Variants in PTCHD4 observed in about 807,000 individuals in gnomAD.
The protein encoded by PTCHD4 is patched domain containing 4, also known as patched domain-containing protein 4.
In PTCHD4, 33 loss-of-function variants were observed where a neutral mutation model predicts 58.1. The ratio of observed to expected loss-of-function variants is 0.57; its 90% CI spans 0.43 to 0.76. The LOEUF (loss-of-function observed/expected upper bound fraction) is 0.76. Ranked by LOEUF, PTCHD4 falls within the 30% of genes least tolerant of loss-of-function variation. The probability of loss-of-function intolerance (pLI) is 0.00; values close to 1 mark genes in which losing one functional copy is unlikely to be tolerated. For synonymous variants in PTCHD4, 478 were observed against 409.6 expected (o/e 1.17, Z -2.02); for missense variants, 1,058 against 1,027.1 (o/e 1.03, Z -0.41).
At chr6:48,098,429 C>T (rs919199972) in intron 1 of PTCHD4, among the ~76,000 whole-genome samples, 2 of 151,652 alleles carry the variant, frequency 1.3e-5, no homozygotes, top group Non-Finnish European at 2.9e-5. Flanking sequence ...ACCTCCACCT[C>T]CCAGGTTCAA....
At chr6:48,032,022 T>G (rs914184588) in intron 3 of PTCHD4, among the ~76,000 whole-genome samples, 1 of 151,772 alleles carries the variant, frequency 6.6e-6, no homozygotes, top group Non-Finnish European at 1.5e-5. Flanking sequence ...TGCATTTTAA[T>G]ATAATGATGT....
At chr6:47,901,031 G>C (rs1184675166) in intron 4 of PTCHD4, 1 of 150,872 alleles carries the variant, frequency 6.6e-6, no homozygotes, top group Non-Finnish European at 1.5e-5. Context: ...GCGGGCGCCT[G>C]TAGTCCCAGC....
chr6:47,952,504 T>C (rs934120355), intron 4 of PTCHD4, among the ~76,000 whole-genome samples: 1 of 152,090 alleles, frequency 6.6e-6, no homozygotes, highest in African/African-American at 2.4e-5. Flanking sequence ...CCGCCCCCCA[T>C]GCAACCACAC....
chr6:48,005,667 C>G (rs550620061), intron 4 of PTCHD4, among the ~76,000 whole-genome samples: 9 of 152,298 alleles, frequency 5.9e-5, no homozygotes, highest in Middle Eastern at 3.4e-3. Flanking sequence ...CTCTCTGTCT[C>G]TCTCTTTCTA....
chr6:48,103,455 G>A (rs555683870), intron 1 of PTCHD4, among the ~76,000 whole-genome samples: 18 of 152,194 alleles, frequency 1.2e-4, no homozygotes, highest in Admixed American at 3.3e-4. Context: ...CCATCTGTAC[G>A]TCACCATCAT....
At position 48,105,491 on chromosome 6, in the gene PTCHD4, A is replaced by G. The variant is rs191633777; in HGVS notation, c.-970+5558T>C. Among the ~76,000 whole-genome samples, 8 of 152,354 alleles carry G rather than the reference A, an allele frequency of 5.3e-5. No individual in the cohort carries two copies. The East Asian group carries it at 1.4e-3, about 26-fold the overall frequency. On this transcript the variant is annotated intron_variant, in intron 1 of 4. Coordinates refer to ENST00000339488, the MANE Select transcript of PTCHD4 (RefSeq NM_001384253.1). Reference sequence around the variant, plus strand: ...TTATAGCACTAAATACCCACAAGAGAAAGCAGGAAAGATCTAAAATTGACA... The same window carrying G: ...TTATAGCACTAAATACCCACAAGAGGAAGCAGGAAAGATCTAAAATTGACA...
intron 4 of PTCHD4, among the ~76,000 whole-genome samples, chr6:47,952,241 C>T (rs1458980419): frequency 6.6e-6 from 1 of 151,938 alleles, no homozygotes. Context: ...AATAGAGTTC[C>T]CCAAAGGAAG....
chr6:47,924,801 T>A (rs2113892924), intron 4 of PTCHD4, among the ~76,000 whole-genome samples: 1 of 152,210 alleles, frequency 6.6e-6, no homozygotes, highest in Admixed American at 6.6e-5. Context: ...TCTCTCTTTT[T>A]ACTCAACTAA....
intron 4 of PTCHD4, among the ~76,000 whole-genome samples, chr6:47,904,273 C>A (rs918174518): frequency 7.9e-5 from 12 of 152,172 alleles, no homozygotes; most frequent in African/African-American, 2.4e-4. Context: ...ATAACCCAGG[C>A]ATTACAGATG....
rs895681567 is a variant in PTCHD4, at chr6:47,861,511, G to T, written c.*16792C>A. Among the ~76,000 whole-genome samples the T allele has an allele frequency of 6.6e-6, 1 of 151,788 alleles. No homozygotes were observed. The highest frequency in any genetic ancestry group is 1.5e-5 in the Non-Finnish European group (1 of 67,876). ...GTTTAATACACTAATCAATCATTAG[G>T]CATCCTTGCCTTCCTATCTTACCAT... is the stretch of plus-strand genomic sequence containing the variant. On this transcript the variant is annotated 3_prime_UTR_variant, in exon 5 of 5. Coordinates refer to ENST00000339488, the MANE Select transcript of PTCHD4 (RefSeq NM_001384253.1).
intron 4 of PTCHD4, among the ~76,000 whole-genome samples, chr6:47,940,021 T>C (rs1394487434): frequency 1.3e-5 from 2 of 152,088 alleles, no homozygotes; most frequent in African/African-American, 4.8e-5. Context: ...GAACTAGCAA[T>C]GTTGTAAAAG....
chr6:48,038,500 G>T (rs989442278), intron 3 of PTCHD4, among the ~76,000 whole-genome samples: 51 of 151,552 alleles, frequency 3.4e-4, no homozygotes, highest in Non-Finnish European at 1.5e-4. Context: ...AATTAGCTAG[G>T]TGTGGTGGTG....
chr6:47,929,356 G>A (rs1765735189), intron 4 of PTCHD4, among the ~76,000 whole-genome samples: 1 of 152,124 alleles, frequency 6.6e-6, no homozygotes, highest in South Asian at 2.1e-4. Flanking sequence ...CACCCAAGTG[G>A]CCAGTTTTTA....
intron 1 of PTCHD4, among the ~76,000 whole-genome samples, chr6:48,081,011 G>A (rs1036635318): frequency 1.3e-5 from 2 of 152,158 alleles, no homozygotes; most frequent in African/African-American, 2.4e-5. Context: ...AGGGGCAGAA[G>A]TAGCAAAAGA....
intron 3 of PTCHD4, among the ~76,000 whole-genome samples, chr6:48,012,511 A>G (rs1437090146): frequency 6.6e-5 from 10 of 152,190 alleles, no homozygotes; most frequent in Admixed American, 6.5e-4. Context: ...CAATAATGCC[A>G]TCTGCAAACA....
intron 4 of PTCHD4, among the ~76,000 whole-genome samples, chr6:47,916,629 C>A (rs999742209): frequency 6.0e-5 from 9 of 149,252 alleles, no homozygotes; most frequent in African/African-American, 2.2e-4. Flanking sequence ...ACTTTCTGAA[C>A]CCCCAGTTCA....
At chr6:48,098,037 C>G (rs973958964) in intron 1 of PTCHD4, among the ~76,000 whole-genome samples, 2 of 152,080 alleles carry the variant, frequency 1.3e-5, no homozygotes, top group African/African-American at 2.4e-5. Flanking sequence ...TCAGGTCTCA[C>G]GGCCTCAGTA....
intron 4 of PTCHD4, among the ~76,000 whole-genome samples, chr6:47,897,940 C>CTTTTTTTTTTTTTT (rs67063892): frequency 1.3e-3 from 103 of 76,302 alleles, no homozygotes; most frequent in Non-Finnish European, 1.8e-3. Flanking sequence ...TTCTTTCTTT[C>CTTTTTTTTTTTTTT]TTTTTTTTTT....
At chr6:48,072,437 T>G (rs1214374014) in intron 1 of PTCHD4, among the ~76,000 whole-genome samples, 1 of 152,184 alleles carries the variant, frequency 6.6e-6, no homozygotes, top group Admixed American at 6.5e-5. Flanking sequence ...TGTGGGGTAT[T>G]TTCTTCTTTT....
Sources: allele counts gnomAD v4.1 joint callset (sites outside exome capture counted in the v4.1 genomes callset), GRCh38; gene constraint gnomAD v4.1.1; transcripts MANE v1.5; gene names NCBI Gene and HGNC (gene_info 2026-07-23, HGNC 2026-07-21).